Variants in GLG1 observed in about 807,000 individuals in gnomAD.
The protein encoded by GLG1 is Golgi apparatus protein 1.
GLG1 carries 38 observed loss-of-function variants against 160.5 expected under a neutral mutation model. That is an observed-to-expected ratio of 0.24 (90% CI 0.18 to 0.31). GLG1 has a LOEUF of 0.31. Ranked by LOEUF, GLG1 falls within the 10% of genes least tolerant of loss-of-function variation. The probability of loss-of-function intolerance (pLI) is 1.00; values close to 1 mark genes in which losing one functional copy is unlikely to be tolerated. For synonymous variants in GLG1, 644 were observed against 543.4 expected (o/e 1.19, Z -2.57); for missense variants, 1,373 against 1,505.2 (o/e 0.91, Z 1.45).
intron 25 of GLG1, 33 bp from the exon 26 acceptor site, chr16:74,453,367 G>C (rs1463717173): frequency 6.9e-7 from 1 of 1,452,880 alleles, no homozygotes; most frequent in Non-Finnish European, 9.7e-7. Flanking sequence ...GATTCTCTGA[G>C]AGAGCACTGG....
rs2016704149 is a variant in GLG1 at position 74,508,827 on chromosome 16, T to C, written c.558+12A>G. 5 of 1,232,444 alleles carry C rather than the reference T, an allele frequency of 4.1e-6. No homozygotes were observed. Among genetic ancestry groups the C allele is most frequent in the East Asian group, 4.6e-5 (2 of 43,134 alleles). The allele number at this position is 1,232,444 out of a possible 1,614,324, so 76.3% of individuals were successfully genotyped here. ...AGCCATTAGTTGTCTACAAAATTCT[T>C]TGACAACTTACCTCTGTTATAGTAG... On this transcript the variant is annotated intron_variant, in intron 3 of 25. Transcript: ENST00000422840.
At chr16:74,531,441 C>G (rs2017529632) in intron 2 of GLG1, among the ~76,000 whole-genome samples, 2 of 152,168 alleles carry the variant, frequency 1.3e-5, no homozygotes, top group Non-Finnish European at 2.9e-5. Context: ...GCCTCAGCCT[C>G]CAGAGTAGCT....
intron 1 of GLG1, among the ~76,000 whole-genome samples, chr16:74,577,932 G>A (rs527580017): frequency 6.6e-6 from 1 of 151,948 alleles, no homozygotes; most frequent in African/African-American, 2.4e-5. Context: ...CAGCACTCTG[G>A]GAGGCCAAGG....
At chr16:74,471,147 G>A (rs1299019101) in intron 15 of GLG1, 26 bp downstream of exon 15, 2 of 1,143,726 alleles carry the variant, frequency 1.7e-6, no homozygotes, top group Non-Finnish European at 2.7e-6. Context: ...GCTATGATGG[G>A]ATATTGGCAG....
intron 2 of GLG1, among the ~76,000 whole-genome samples, chr16:74,518,801 G>C (rs558906048): frequency 6.6e-6 from 1 of 152,286 alleles, no homozygotes; most frequent in South Asian, 2.1e-4. Flanking sequence ...CTATCCATGT[G>C]ACAAAGGGCT....
chr16:74,460,264 C>T (rs1325722116), intron 22 of GLG1, among the ~76,000 whole-genome samples: 1 of 152,148 alleles, frequency 6.6e-6, no homozygotes, highest in African/African-American at 2.4e-5. Flanking sequence ...CAGGTGATTG[C>T]CCACCTTGGC....
At chr16:74,594,023 C>G (rs1958245125) in intron 1 of GLG1, among the ~76,000 whole-genome samples, 1 of 152,140 alleles carries the variant, frequency 6.6e-6, no homozygotes, top group South Asian at 2.1e-4. Flanking sequence ...TCTCCTGCCT[C>G]ACCCTCCTGA....
chr16:74,451,939 G>C lies in GLG1; in HGVS notation c.*1228C>G. ...AGTGGGTACACGCAGCAAATGGACA[G>C]AAAGAAAAAAAACAGAGCAAATCCT... On this transcript the variant is annotated 3_prime_UTR_variant, in exon 26 of 26. Transcript: ENST00000422840. 1 of 801,886 alleles carries C rather than the reference G, an allele frequency of 1.2e-6. No individual in the cohort carries two copies. The highest frequency in any genetic ancestry group is 2.1e-5 in the Admixed American group (1 of 47,174). The allele number at this position is 801,886 out of a possible 1,614,324, so 49.7% of individuals were successfully genotyped here.
chr16:74,540,138 AAT>A (rs2017821763), intron 1 of GLG1, among the ~76,000 whole-genome samples: 2 of 116 alleles, frequency 0.017, 1 homozygote, highest in African/African-American at 0.021. Context: ...TTATATATAT[AAT>A]ATATTATATA....
chr16:74,495,259 C>G (rs1010709857), intron 5 of GLG1, among the ~76,000 whole-genome samples: 5 of 151,760 alleles, frequency 3.3e-5, no homozygotes, highest in African/African-American at 9.7e-5. Context: ...GATTACAGGC[C>G]CCCGCCACCC....
intron 1 of GLG1, among the ~76,000 whole-genome samples, chr16:74,570,700 A>G (rs1023179235): frequency 1.3e-5 from 2 of 152,192 alleles, no homozygotes; most frequent in African/African-American, 4.8e-5. Flanking sequence ...GTTTGAGACC[A>G]GCTTGGTCAA....
chr16:74,505,297 T>C (rs1240366526), intron 3 of GLG1, among the ~76,000 whole-genome samples: 5 of 152,238 alleles, frequency 3.3e-5, no homozygotes, highest in Non-Finnish European at 7.3e-5. Context: ...TGTTTACTTC[T>C]AAAGGGGCAA....
intron 9 of GLG1, 110 bp from the exon 10 acceptor site, chr16:74,483,234 C>A: frequency 3.0e-6 from 2 of 674,742 alleles, no homozygotes; most frequent in East Asian, 2.6e-5. Context: ...TTTCTTAGGG[C>A]AATCAGATTT....
chr16:74,483,954 C>T (rs1192187110), intron 9 of GLG1, among the ~76,000 whole-genome samples: 1 of 152,100 alleles, frequency 6.6e-6, no homozygotes, highest in Non-Finnish European at 1.5e-5. Flanking sequence ...CCACCGTGCC[C>T]GGCCCAGATA....
intron 19 of GLG1, among the ~76,000 whole-genome samples, chr16:74,465,249 C>A (rs1425125538): frequency 6.6e-6 from 1 of 152,192 alleles, no homozygotes; most frequent in Non-Finnish European, 1.5e-5. Flanking sequence ...AGCAAAACAA[C>A]CTGTAAAACA....
At position 74,465,723 on chromosome 16, in the gene GLG1, G is replaced by C. The variant is rs996173163; in HGVS notation, c.2620C>G (p.Pro874Ala). 2 of 1,613,584 alleles carry C rather than the reference G, an allele frequency of 1.2e-6. No homozygotes were observed. The highest frequency in any genetic ancestry group is 1.3e-5 in the African/African-American group (1 of 74,842). Residue 874 changes from proline (P) to alanine (A), a missense_variant, in exon 19 of 26, where the codon CCA becomes GCA. Transcript: ENST00000422840. ...CTCATGAGGGTGTAGTCTAGCTCTG[G>C]GTCCATCATCTCTGTCTCCTGCAGC... ...FKLQETEMMD[P>A]ELDYTLMRVC...
intron 1 of GLG1, among the ~76,000 whole-genome samples, chr16:74,571,438 T>C (rs2018823955): frequency 6.6e-6 from 1 of 152,120 alleles, no homozygotes; most frequent in Non-Finnish European, 1.5e-5. Context: ...TTTGGGCAAC[T>C]GAGGTGGGAA....
chr16:74,498,447 A>AAGTATATAT (rs1491293119), intron 4 of GLG1, among the ~76,000 whole-genome samples: 1 of 8,208 alleles, frequency 1.2e-4, no homozygotes, highest in Admixed American at 2.9e-3. Context: ...AAAAAAAAAA[A>AAGTATATAT]GTATATATAT....
At chr16:74,507,881 G>C (rs1342915221) in intron 3 of GLG1, among the ~76,000 whole-genome samples, 1 of 152,140 alleles carries the variant, frequency 6.6e-6, no homozygotes, top group African/African-American at 2.4e-5. Flanking sequence ...TAAAGTTAGA[G>C]GTTTAGTCCT....
Sources: gnomAD v4.1 joint callset for allele counts (sites outside exome capture counted in the v4.1 genomes callset) on GRCh38, gnomAD v4.1.1 for gene constraint, MANE v1.5 for transcripts, NCBI Gene and HGNC (gene_info 2026-07-23, HGNC 2026-07-21) for gene names.